HEATR5A: variants seen among roughly 807,000 people sequenced by gnomAD.
HEATR5A encodes the protein HEAT repeat containing 5A, also known as HEAT repeat-containing protein 5A.
Under a neutral mutation model 218.8 loss-of-function variants are expected in HEATR5A, and 178 were observed. The ratio of observed to expected loss-of-function variants is 0.81; its 90% CI spans 0.72 to 0.92. The LOEUF (loss-of-function observed/expected upper bound fraction) is 0.92, where lower values mean the gene tolerates loss of function less well. Among genes scored for constraint, HEATR5A ranks in the 40% least tolerant of loss-of-function variants. HEATR5A has a pLI of 0.00. For synonymous variants in HEATR5A, 864 were observed against 871.6 expected (o/e 0.99, Z 0.15); for missense variants, 2,420 against 2,418.9 (o/e 1.00, Z -0.01).
intron 1 of HEATR5A, among the ~76,000 whole-genome samples, chr14:31,406,170 T>C (rs1270635978): frequency 1.3e-5 from 2 of 152,238 alleles, no homozygotes; most frequent in Non-Finnish European, 2.9e-5. Flanking sequence ...CGTTTTAAAA[T>C]AACCACAACC....
chr14:31,293,130 C>T lies in HEATR5A; in HGVS notation c.*175G>A. 2.0e-6 allele frequency: 1 copy of T among 499,694 alleles called. No homozygotes were observed. The allele number at this position is 499,694 out of a possible 1,614,324, so 31.0% of individuals were successfully genotyped here. A position where few individuals can be genotyped will look rare whatever the true frequency, so the allele number is the denominator to read the frequency against. The stretch of plus-strand genomic sequence containing the variant: ...ACAAAACAAAACAAAACACAAACCC[C>T]ACGCACACACACAAAAATGTTAAGT... On this transcript the variant is annotated 3_prime_UTR_variant, in exon 36 of 36. Coordinates refer to ENST00000543095, the MANE Select transcript of HEATR5A (RefSeq NM_015473.4).
chr14:31,395,234 C>G lies in HEATR5A; in HGVS notation c.562G>C (p.Asp188His). ...VYKAARSCLT[D>H]RSMAVRCAAA... ...GCACAACGAACAGCCATGGATCTAT[C>G]TGTCAAGCAGGATCTAGCAGCTTTA... is the stretch of plus-strand genomic sequence containing the variant. The change falls in exon 5 of 36, where the codon GAT (aspartate) becomes CAT (histidine). Residue 188 changes from aspartate to histidine, a missense_variant. Asp to His is a moderately conservative substitution (Grantham distance 81). Transcript: ENST00000543095. 6.5e-7 allele frequency: 1 copy of G among 1,533,068 alleles called. No individual in the cohort carries two copies. Among genetic ancestry groups the G allele is most frequent in the South Asian group, 1.2e-5 (1 of 83,600 alleles). 95.0% of individuals were successfully genotyped at this position (1,533,068 alleles called of 1,614,324 possible).
rs746897811 is a variant in HEATR5A at position 31,386,463 on chromosome 14, A to G, written c.1302T>C (p.Asn434=). ...ALQELGNLIH[N]LGTTAAPLLQ... ...GCAAAGGTGCCGCTGTGGTGCCAAG[A>G]TTGTGTATGAGATTTCCAAGTTCTT... Residue 434 remains asparagine, a synonymous_variant, in exon 9 of 36, where the codon AAT becomes AAC. Coordinates refer to ENST00000543095, the MANE Select transcript of HEATR5A (RefSeq NM_015473.4). The G allele has an allele frequency of 9.9e-6, 16 of 1,613,740 alleles. No homozygotes were observed. Among genetic ancestry groups the G allele is most frequent in the Non-Finnish European group, 1.4e-5 (16 of 1,179,836 alleles).
chr14:31,358,309 C>G (rs190026476), intron 16 of HEATR5A, among the ~76,000 whole-genome samples: 97 of 152,178 alleles, frequency 6.4e-4, no homozygotes, highest in African/African-American at 2.1e-3. Flanking sequence ...GTAAGAAAGC[C>G]TATGAGACCT....
chr14:31,325,071 G>A (rs182507215), intron 23 of HEATR5A, among the ~76,000 whole-genome samples: 177 of 152,256 alleles, frequency 1.2e-3, no homozygotes, highest in African/African-American at 4.1e-3. Context: ...TTGTGTAGGC[G>A]TAGGACTGAA....
chr14:31,393,233 G>C lies in HEATR5A; in HGVS notation c.772+819C>G, dbSNP rs191327721. On this transcript the variant is annotated intron_variant, in intron 6 of 35. Coordinates refer to ENST00000543095, the MANE Select transcript of HEATR5A (RefSeq NM_015473.4). ...TATATAAAAATAAGGCCATGGCTGGGGGGTGGTGGCTCACGCCTGTAATCC... is the reference window on the plus strand; with the variant it reads ...TATATAAAAATAAGGCCATGGCTGGCGGGTGGTGGCTCACGCCTGTAATCC... Among the ~76,000 whole-genome samples, 452 of 152,318 alleles carry C rather than the reference G, an allele frequency of 3.0e-3. 4 individuals are homozygous for C. The highest frequency in any genetic ancestry group is 0.01 in the African/African-American group (436 of 41,566).
At chr14:31,383,092 A>G (rs1320159516) in intron 10 of HEATR5A, among the ~76,000 whole-genome samples, 1 of 152,108 alleles carries the variant, frequency 6.6e-6, no homozygotes, top group Non-Finnish European at 1.5e-5. Flanking sequence ...TTCACTGTAC[A>G]AAAGGAGGAT....
At chr14:31,331,738 A>G (rs1333387869) in intron 22 of HEATR5A, among the ~76,000 whole-genome samples, 1 of 152,206 alleles carries the variant, frequency 6.6e-6, no homozygotes, top group East Asian at 1.9e-4. Context: ...GAAACTTACA[A>G]TCATGGTGGA....
intron 7 of HEATR5A, among the ~76,000 whole-genome samples, chr14:31,388,628 C>T (rs10147468): frequency 0.1 from 15,376 of 152,148 alleles, 1,034 homozygotes; most frequent in East Asian, 0.21. Flanking sequence ...TTAAAATGTT[C>T]CATTATTAGG....
intron 25 of HEATR5A, among the ~76,000 whole-genome samples, chr14:31,318,681 G>A (rs1025924688): frequency 1.3e-5 from 2 of 152,118 alleles, no homozygotes; most frequent in African/African-American, 2.4e-5. Flanking sequence ...GTAGAGACAG[G>A]GTTTCACTAT....
Position 31,306,888 on chromosome 14 carries a change from GAAA to G in HEATR5A, c.4819-12_4819-10del, listed in dbSNP as rs746845471. The G allele has an allele frequency of 4.4e-6, 7 of 1,595,682 alleles. No individual in the cohort carries two copies. In the East Asian group the frequency reaches 1.6e-4, roughly 36 times the overall value. ...AATTCTATACCCAAGTCCTATCATGGAAATCATGTACAGGACACTGTATTAGAA... is the reference window on the plus strand; with the variant it reads ...AATTCTATACCCAAGTCCTATCATGGTCATGTACAGGACACTGTATTAGAA... On this transcript the variant is annotated splice_polypyrimidine_tract_variant and intron_variant, in intron 30 of 35. Transcript: ENST00000543095.
rs144392301 is a variant in HEATR5A at position 31,309,266 on chromosome 14, C to T, written c.4442-84G>A. The T allele has an allele frequency of 6.1e-3, 8,891 of 1,462,432 alleles. 61 individuals are homozygous for T. The highest frequency in any genetic ancestry group is 0.017 in the Middle Eastern group (92 of 5,360). 90.6% of individuals were successfully genotyped at this position (1,462,432 alleles called of 1,614,324 possible). A position where few individuals can be genotyped will look rare whatever the true frequency, so the allele number is the denominator to read the frequency against. On this transcript the variant is annotated intron_variant, in intron 28 of 35. Coordinates refer to ENST00000543095, the MANE Select transcript of HEATR5A (RefSeq NM_015473.4). ...TTCTGTTACAAGATATAGACCATTT[C>T]CATCACTCCGAAAGTTCCCTTGTAC...
chr14:31,416,274 G>A (rs886825700), intron 1 of HEATR5A, among the ~76,000 whole-genome samples: 1 of 151,942 alleles, frequency 6.6e-6, no homozygotes, highest in African/African-American at 2.4e-5. Flanking sequence ...CGGCCACCAC[G>A]CCCGGCTAAT....
intron 9 of HEATR5A, among the ~76,000 whole-genome samples, chr14:31,385,091 C>G (rs2030160389): frequency 6.6e-6 from 1 of 152,132 alleles, no homozygotes; most frequent in Admixed American, 6.6e-5. Flanking sequence ...TGTAAAGTTT[C>G]TCAGCAAGAA....
At chr14:31,393,064 T>C (rs2030513242) in intron 6 of HEATR5A, among the ~76,000 whole-genome samples, 2 of 152,178 alleles carry the variant, frequency 1.3e-5, no homozygotes, top group South Asian at 2.1e-4. Flanking sequence ...TAGAATTATC[T>C]ACATTATATG....
intron 32 of HEATR5A, among the ~76,000 whole-genome samples, chr14:31,304,512 G>C (rs554222296): frequency 3.9e-4 from 59 of 152,216 alleles, no homozygotes; most frequent in African/African-American, 1.3e-3. Flanking sequence ...CCGCCTCCCG[G>C]GTTCAAGCGA....
chr14:31,301,758 G>A (rs1899384095), intron 33 of HEATR5A, among the ~76,000 whole-genome samples: 1 of 150,274 alleles, frequency 6.7e-6, no homozygotes, highest in South Asian at 2.1e-4. Context: ...TTCCCAAAGT[G>A]CTGGGATTGT....
chr14:31,350,535 A>G lies in HEATR5A; in HGVS notation c.2517+77T>C, dbSNP rs1901183959. On this transcript the variant is annotated intron_variant, in intron 17 of 35. Transcript: ENST00000543095. ...GAAAAAAGAGCATTTTAAAAACATCATCCTCCGACAAACTTCATTGGCTAC... is the reference window on the plus strand; with the variant it reads ...GAAAAAAGAGCATTTTAAAAACATCGTCCTCCGACAAACTTCATTGGCTAC... 2.5e-5 allele frequency: 19 copies of G among 753,136 alleles called. No homozygotes were observed. In the South Asian group the frequency reaches 2.8e-4, roughly 11 times the overall value. 46.7% of individuals were successfully genotyped at this position (753,136 alleles called of 1,614,324 possible).
chr14:31,371,696 A>G, intron 13 of HEATR5A, 114 bp downstream of exon 13: 1 of 456,270 alleles, frequency 2.2e-6, no homozygotes. Context: ...TAACTAACTG[A>G]TTGCCTTCCT....
Sources: allele counts gnomAD v4.1 joint callset (sites outside exome capture counted in the v4.1 genomes callset), GRCh38; gene constraint gnomAD v4.1.1; transcripts MANE v1.5; gene names NCBI Gene and HGNC (gene_info 2026-07-23, HGNC 2026-07-21).